CHRNB1: variants seen among roughly 807,000 people sequenced by gnomAD.
CHRNB1 encodes cholinergic receptor nicotinic beta 1 subunit.
A neutral mutation model predicts 53.8 loss-of-function variants in CHRNB1; 47 were observed. The ratio of observed to expected loss-of-function variants is 0.87; its 90% CI spans 0.69 to 1.11. The LOEUF (loss-of-function observed/expected upper bound fraction) is 1.11. CHRNB1 is among the 50% of genes most tolerant of loss of function. CHRNB1 has a pLI of 0.00. For missense variants in CHRNB1, 605 were observed against 654.9 expected (o/e 0.92, Z 0.83); for synonymous variants, 259 against 263.5 (o/e 0.98, Z 0.16).
At position 7,445,908 on chromosome 17, in the gene CHRNB1, C is replaced by A; in HGVS notation, c.199-161C>A. 1.4e-6 allele frequency: 1 copy of A among 701,878 alleles called. No individual in the cohort carries two copies. Among genetic ancestry groups the A allele is most frequent in the Non-Finnish European group, 2.6e-6 (1 of 387,318 alleles). 43.5% of individuals were successfully genotyped at this position (701,878 alleles called of 1,614,324 possible). ...GGAAGAGGTGTTTCTGAGATAGAGG[C>A]AGGTCTTAAACTAACGCCGCTTCTG... On this transcript the variant is annotated intron_variant, in intron 2 of 10. Transcript: ENST00000306071. This position sits in a 1 kb window ranked among gnomAD's most constrained non-coding sequence, Gnocchi z 5.7.
chr17:7,445,424 G>T lies in CHRNB1; in HGVS notation c.198+15G>T, dbSNP rs199665345. 1.4e-5 allele frequency: 22 copies of T among 1,610,428 alleles called. No individual in the cohort carries two copies. Among genetic ancestry groups the T allele is most frequent in the East Asian group, 4.5e-5 (2 of 44,840 alleles). On this transcript the variant is annotated intron_variant, in intron 2 of 10. Transcript: ENST00000306071. The surrounding 1 kb of genome is among the most constrained non-coding windows in gnomAD (Gnocchi z 5.7). The stretch of plus-strand genomic sequence containing the variant: ...TCATCAGCCTGGTGAGGGCGCGCGG[G>T]GGGTGGAGGTCAGGCCAGCCGACCG...
chr17:7,454,420 C>T lies in CHRNB1; in HGVS notation c.944C>T (p.Thr315Ile). Residue 315 changes from threonine (T) to isoleucine (I), a missense_variant, in exon 8 of 11, where the codon ACC becomes ATC. Thr to Ile is a moderately conservative substitution (Grantham distance 89). Transcript: ENST00000306071. ...VPIIIKYLMFTMVLVTFSVIL... is the reference protein window; with the variant it reads ...VPIIIKYLMFIMVLVTFSVIL... ...ATTATTATCAAGTACCTCATGTTTA[C>T]CATGGTCCTCGTCACCTTCTCAGTC... 3 of 1,614,100 alleles carry T rather than the reference C, an allele frequency of 1.9e-6. No homozygotes were observed. The highest frequency in any genetic ancestry group is 2.5e-6 in the Non-Finnish European group (3 of 1,180,000).
chr17:7,451,211 A>G (rs1908869544), intron 7 of CHRNB1, among the ~76,000 whole-genome samples: 1 of 151,588 alleles, frequency 6.6e-6, no homozygotes, highest in African/African-American at 2.4e-5. Flanking sequence ...AGAACAGGCA[A>G]GTGAGTTTCA....
Position 7,447,532 on chromosome 17 carries a change from T to G in CHRNB1, c.492T>G (p.Asn164Lys). 1 of 1,614,172 alleles carries G rather than the reference T, an allele frequency of 6.2e-7. No individual in the cohort carries two copies. The highest frequency in any genetic ancestry group is 1.1e-5 in the South Asian group (1 of 91,088). Residue 164 changes from asparagine to lysine, a missense_variant, in exon 6 of 11, where the codon AAT becomes AAG. Coordinates refer to ENST00000306071, the MANE Select transcript of CHRNB1 (RefSeq NM_000747.3). ...CCTACTTCCCCTTCGACTGGCAGAATTGCACTATGGTGTTCAGCTCCTACA... is the reference window on the plus strand; with the variant it reads ...CCTACTTCCCCTTCGACTGGCAGAAGTGCACTATGGTGTTCAGCTCCTACA... The part of the protein sequence containing the change: ...QVTYFPFDWQ[N>K]CTMVFSSYSY...
At chr17:7,448,833 T>C in intron 7 of CHRNB1, 45 bp downstream of exon 7, 1 of 1,585,948 alleles carries the variant, frequency 6.3e-7, no homozygotes, top group Non-Finnish European at 8.7e-7. Context: ...TTGGCTCAGC[T>C]TCTTACTCTT....
Position 7,453,754 on chromosome 17 carries a change from A to AT in CHRNB1, c.821-530dup, listed in dbSNP as rs535191959. Among the ~76,000 whole-genome samples the AT allele has an allele frequency of 8.6e-3, 1,247 of 145,102 alleles. 19 individuals are homozygous for AT. The highest frequency in any genetic ancestry group is 0.025 in the African/African-American group (998 of 39,812). The stretch of plus-strand genomic sequence containing the variant: ...AAGCATGCGCCATTGTGCCTGGCTA[A>AT]TTTTTTTTTTTTTCTTTTTGTAGAG... On this transcript the variant is annotated intron_variant, in intron 7 of 10. Transcript: ENST00000306071.
chr17:7,447,353 C>G, intron 5 of CHRNB1, 150 bp from the exon 6 acceptor site: 1 of 981,974 alleles, frequency 1.0e-6, no homozygotes, highest in Non-Finnish European at 1.6e-6. Flanking sequence ...AGTGACCGCC[C>G]TCCCCATCCC....
intron 8 of CHRNB1, 40 bp from the exon 9 acceptor site, chr17:7,455,244 G>A (rs776417124): frequency 6.2e-7 from 1 of 1,613,078 alleles, no homozygotes; most frequent in South Asian, 1.1e-5. Flanking sequence ...TGGTCTGAAA[G>A]CATGAAAGCC....
At chr17:7,454,240 C>A (rs1341380531) in intron 7 of CHRNB1, 57 bp from the exon 8 acceptor site, 2 of 1,380,060 alleles carry the variant, frequency 1.4e-6, no homozygotes, top group Non-Finnish European at 2.1e-6. Context: ...CTGATTATGC[C>A]ATAGAGCTTT....
chr17:7,447,766 T>C, intron 6 of CHRNB1, 116 bp downstream of exon 6: 4 of 1,247,186 alleles, frequency 3.2e-6, no homozygotes, highest in Non-Finnish European at 4.7e-6. Flanking sequence ...AGGATGGGTA[T>C]GGCTATCTAC....
In CHRNB1 at chr17:7,446,303, TTGTGTGTGTGTGTGTGTGTGTGTCTG is replaced by T. The variant is rs1338006089; in HGVS notation, c.243+214_243+239del. 1,087 of 477,954 alleles carry T rather than the reference TTGTGTGTGTGTGTGTGTGTGTGTCTG, an allele frequency of 2.3e-3. 12 individuals carry two copies. Among genetic ancestry groups the T allele is most frequent in the African/African-American group, 0.02 (867 of 43,766 alleles). 29.6% of individuals were successfully genotyped at this position (477,954 alleles called of 1,614,324 possible). On this transcript the variant is annotated intron_variant, in intron 3 of 10. Transcript: ENST00000306071. ...ACCCCATGCATTTTTAATTCCAATT[TTGTGTGTGTGTGTGTGTGTGTGTCTG>T]TGTGTGTGTGTGTGTGTGTGTGTGT...
intron 7 of CHRNB1, among the ~76,000 whole-genome samples, chr17:7,450,265 T>TC (rs1264540410): frequency 1.3e-5 from 2 of 151,648 alleles, no homozygotes; most frequent in African/African-American, 4.8e-5. Context: ...TGCTTCAGCC[T>TC]CCTGAGTAGC....
intron 7 of CHRNB1, among the ~76,000 whole-genome samples, chr17:7,451,274 C>CTTTTTTTTTTTTTTTT (rs34769424): frequency 4.8e-4 from 44 of 92,014 alleles, no homozygotes; most frequent in Non-Finnish European, 7.1e-4. Flanking sequence ...CTTTTCTTTT[C>CTTTTTTTTTTTTTTTT]TTTTTTTTTT....
intron 7 of CHRNB1, among the ~76,000 whole-genome samples, chr17:7,449,204 C>T (rs755889619): frequency 2.6e-4 from 39 of 150,308 alleles, no homozygotes; most frequent in Non-Finnish European, 3.5e-4. Context: ...CCCGGGTTCA[C>T]GCCATTCTCC....
intron 6 of CHRNB1, 110 bp downstream of exon 6, chr17:7,447,760 T>C: frequency 7.7e-7 from 1 of 1,294,160 alleles, no homozygotes; most frequent in Non-Finnish European, 1.1e-6. Context: ...GTCAGCAGGA[T>C]GGGTATGGCT....
intron 7 of CHRNB1, among the ~76,000 whole-genome samples, chr17:7,453,582 CTTTTTTTTTT>C (rs71157287): frequency 7.3e-5 from 7 of 95,982 alleles, no homozygotes; most frequent in Admixed American, 1.3e-4. Flanking sequence ...AAAAGCCTGT[CTTTTTTTTTT>C]TTTTTTTTTT....
chr17:7,445,991 G>C lies in CHRNB1; in HGVS notation c.199-78G>C. ...CAGAAAAAGGGGGCGGCGTTCCCAG[G>C]AGAGAGGTTGGCCCCCCGAGCCCCC... is the stretch of plus-strand genomic sequence containing the variant. On this transcript the variant is annotated intron_variant, in intron 2 of 10. Coordinates refer to ENST00000306071, the MANE Select transcript of CHRNB1 (RefSeq NM_000747.3). The surrounding 1 kb of genome is among the most constrained non-coding windows in gnomAD (Gnocchi z 5.7). 1 of 1,287,920 alleles carries C rather than the reference G, an allele frequency of 7.8e-7. No individual in the cohort carries two copies. The highest frequency in any genetic ancestry group is 1.2e-5 in the South Asian group (1 of 84,372). 79.8% of individuals were successfully genotyped at this position (1,287,920 alleles called of 1,614,324 possible).
rs1196474523 is a variant in CHRNB1, at chr17:7,446,071, C to G, written c.201C>G (p.Asn67Lys). The stretch of plus-strand genomic sequence containing the variant: ...CGCCTTAAATTTTTCCCTTCTAGAA[C>G]GAGAAGGATGAAGAGATGAGCACAA... ...GLILAQLISL[N>K]EKDEEMSTKV... Residue 67 changes from asparagine to lysine, a missense_variant and splice_region_variant, in exon 3 of 11, where the codon AAC becomes AAG. By Grantham distance (94) the Asn-to-Lys change is moderately conservative. Coordinates refer to ENST00000306071, the MANE Select transcript of CHRNB1 (RefSeq NM_000747.3). 4.3e-6 allele frequency: 7 copies of G among 1,613,840 alleles called. No homozygotes were observed. The highest frequency in any genetic ancestry group is 5.9e-6 in the Non-Finnish European group (7 of 1,179,868).
Position 7,446,091 on chromosome 17 carries a change from G to T in CHRNB1, c.221G>T (p.Ser74Ile), listed in dbSNP as rs752436749. 6 of 1,614,048 alleles carry T rather than the reference G, an allele frequency of 3.7e-6. No individual in the cohort carries two copies. The highest frequency in any genetic ancestry group is 1.7e-5 in the Admixed American group (1 of 60,018). The change falls in exon 3 of 11, where the codon AGC (serine) becomes ATC (isoleucine). Residue 74 changes from serine (S) to isoleucine (I), a missense_variant. Ser to Ile is a moderately radical substitution (Grantham distance 142). Coordinates refer to ENST00000306071, the MANE Select transcript of CHRNB1 (RefSeq NM_000747.3). ...ISLNEKDEEM[S>I]TKVYLDLEWT... is the part of the protein sequence containing the mutation. ...TAGAACGAGAAGGATGAAGAGATGA[G>T]CACAAAGGTGTACTTAGACCTGGTA...
Sources: gnomAD v4.1 joint callset for allele counts (sites outside exome capture counted in the v4.1 genomes callset) on GRCh38, gnomAD v4.1.1 for gene constraint, Gnocchi (gnomAD v3.1) non-coding constraint, MANE v1.5 for transcripts, NCBI Gene and HGNC (gene_info 2026-07-23, HGNC 2026-07-21) for gene names.